Variants in FRRS1 observed in about 807,000 individuals in gnomAD.
The protein encoded by FRRS1 is ferric reductase 1.
A neutral mutation model predicts 70.7 loss-of-function variants in FRRS1; 51 were observed. That is an observed-to-expected ratio of 0.72 (90% CI 0.58 to 0.91). The LOEUF (loss-of-function observed/expected upper bound fraction) is 0.91. FRRS1 is among the 40% of genes least tolerant of loss of function. The pLI is 0.00. For missense variants in FRRS1, 672 were observed against 726.0 expected (o/e 0.93, Z 0.86); for synonymous variants, 225 against 238.7 (o/e 0.94, Z 0.53).
chr1:99,765,351 C>T (rs1389294218), intron 1 of FRRS1: 2 of 152,390 alleles, frequency 1.3e-5, no homozygotes, highest in African/African-American at 4.8e-5. Context: ...CCTGTAATCC[C>T]AGCACTTTGG....
rs148457100 is a variant in FRRS1, at chr1:99,717,795, G to A, written c.1121-270C>T. ...ATCTTTACAACAATCCTATGATTAT[G>A]AATAGCAAAACTATTATTCCAGTTT... On this transcript the variant is annotated intron_variant, in intron 10 of 16. Transcript: ENST00000646001. Among the ~76,000 whole-genome samples, 39 of 152,256 alleles carry A rather than the reference G, an allele frequency of 2.6e-4. 1 individual carries two copies. The highest frequency in any genetic ancestry group is 8.9e-4 in the African/African-American group (37 of 41,546).
intron 7 of FRRS1, among the ~76,000 whole-genome samples, chr1:99,736,263 T>G (rs1361316825): frequency 6.6e-6 from 1 of 152,186 alleles, no homozygotes; most frequent in African/African-American, 2.4e-5. Flanking sequence ...GGGGAAGATG[T>G]TTTGAACAAT....
intron 1 of FRRS1, 24 bp from the exon 2 acceptor site, chr1:99,749,025 CT>C (rs1656436183): frequency 3.2e-6 from 1 of 312,436 alleles, no homozygotes; most frequent in Admixed American, 4.8e-5. Context: ...AAACAAAGAT[CT>C]CTTTTCAATG....
At chr1:99,747,599 T>G in intron 3 of FRRS1, 169 bp from the exon 4 acceptor site, 2 of 597,108 alleles carry the variant, frequency 3.3e-6, no homozygotes, top group Non-Finnish European at 5.7e-6. Flanking sequence ...ATAAAATTTT[T>G]TCCAGTGTTC....
chr1:99,719,433 T>A, intron 10 of FRRS1, 101 bp downstream of exon 10: 1 of 657,046 alleles, frequency 1.5e-6, no homozygotes, highest in Non-Finnish European at 2.7e-6. Flanking sequence ...AAAAATGCTT[T>A]ATAAAAATTA....
chr1:99,743,370 A>AT (rs1188925637), intron 4 of FRRS1, among the ~76,000 whole-genome samples: 5 of 152,208 alleles, frequency 3.3e-5, no homozygotes, highest in South Asian at 4.1e-4. Flanking sequence ...TTATATACAG[A>AT]TTTTTTTTCA....
rs1377244856 is a variant in FRRS1 at position 99,759,383 on chromosome 1, T to C, written c.-106+7224A>G. Among the ~76,000 whole-genome samples, 3 of 152,202 alleles carry C rather than the reference T, an allele frequency of 2.0e-5. No homozygotes were observed. The East Asian group carries it at 5.8e-4, about 29-fold the overall frequency. ...TTACTGAAAATAGAAAGAACCTATGTTGAAATATTGGGGGCGGGTTCCTCC... is the reference window on the plus strand; with the variant it reads ...TTACTGAAAATAGAAAGAACCTATGCTGAAATATTGGGGGCGGGTTCCTCC... On this transcript the variant is annotated intron_variant, in intron 1 of 16. Transcript: ENST00000646001.
chr1:99,764,128 T>G (rs928027766), intron 1 of FRRS1, among the ~76,000 whole-genome samples: 3 of 152,200 alleles, frequency 2.0e-5, no homozygotes, highest in African/African-American at 7.2e-5. Context: ...TTTGCAAGTA[T>G]GAACTCATTT....
intron 1 of FRRS1, among the ~76,000 whole-genome samples, chr1:99,760,774 C>A (rs1445197530): frequency 6.6e-6 from 1 of 152,068 alleles, no homozygotes; most frequent in Non-Finnish European, 1.5e-5. Flanking sequence ...CTCAGCCTCC[C>A]AAGTAGCTGG....
intron 14 of FRRS1, 42 bp from the exon 15 acceptor site, chr1:99,710,991 C>T (rs1654247374): frequency 6.4e-7 from 1 of 1,558,882 alleles, no homozygotes; most frequent in Non-Finnish European, 8.8e-7. Flanking sequence ...TGTAGTCCCA[C>T]CAAGAGAGAC....
Position 99,715,586 on chromosome 1 carries a change from C to G in FRRS1, c.1323G>C (p.Arg441Ser). 6.3e-7 allele frequency: 1 copy of G among 1,589,322 alleles called. No homozygotes were observed. Among genetic ancestry groups the G allele is most frequent in the Non-Finnish European group, 8.6e-7 (1 of 1,157,838 alleles). Residue 441 changes from arginine (R) to serine (S), a missense_variant and splice_region_variant, in exon 12 of 17, where the codon AGG becomes AGC. Coordinates refer to ENST00000646001, the MANE Select transcript of FRRS1 (RefSeq NM_001361041.2). ...AAAACCCTATTTAAGATATACTTAC[C>G]CTACTCCAGCCTCCCCTGTATATAA... is the stretch of plus-strand genomic sequence containing the variant. ...MPFIYRGGWS[R>S]HAGYHPYLGC...
At position 99,705,809 on chromosome 1, in the gene FRRS1, C is replaced by T. The variant is rs1251947565; in HGVS notation, c.*3219G>A. Among the ~76,000 whole-genome samples the T allele has an allele frequency of 6.6e-6, 1 of 152,188 alleles. No homozygotes were observed. Among genetic ancestry groups the T allele is most frequent in the African/African-American group, 2.4e-5 (1 of 41,432 alleles). ...AACCACAATTTTCTAGAATTTCTTTCATTTCTTTCTGAAAAGCACACACAT... is the reference window on the plus strand; with the variant it reads ...AACCACAATTTTCTAGAATTTCTTTTATTTCTTTCTGAAAAGCACACACAT... On this transcript the variant is annotated 3_prime_UTR_variant, in exon 17 of 17. Coordinates refer to ENST00000646001, the MANE Select transcript of FRRS1 (RefSeq NM_001361041.2).
intron 12 of FRRS1, among the ~76,000 whole-genome samples, chr1:99,713,716 T>C (rs1241466421): frequency 6.6e-6 from 1 of 152,242 alleles, no homozygotes; most frequent in Non-Finnish European, 1.5e-5. Context: ...GAGTACCTGC[T>C]ATATACTTAA....
intron 1 of FRRS1, among the ~76,000 whole-genome samples, chr1:99,762,156 G>A (rs1007501410): frequency 6.6e-6 from 1 of 152,140 alleles, no homozygotes; most frequent in Admixed American, 6.5e-5. Context: ...TGGAAAAAGA[G>A]GGATTCTGAA....
At chr1:99,752,676 C>A (rs2100990306) in intron 1 of FRRS1, among the ~76,000 whole-genome samples, 1 of 152,162 alleles carries the variant, frequency 6.6e-6, no homozygotes, top group Middle Eastern at 3.4e-3. Context: ...TTTGGGAGGC[C>A]AAGTTGGGAG....
rs763036798 is a variant in FRRS1, at chr1:99,758,488, C to A, written c.-106+8119G>T. Among the ~76,000 whole-genome samples, 28 of 152,314 alleles carry A rather than the reference C, an allele frequency of 1.8e-4. No homozygotes were observed. In the South Asian group the frequency reaches 2.7e-3, roughly 15 times the overall value. ...GGCATTTATCAGTTCCCAAATAATA[C>A]TTTTATAATTTCTTACTCCTGTCTT... On this transcript the variant is annotated intron_variant, in intron 1 of 16. Coordinates refer to ENST00000646001, the MANE Select transcript of FRRS1 (RefSeq NM_001361041.2).
chr1:99,717,939 C>T (rs903550134), intron 10 of FRRS1, among the ~76,000 whole-genome samples: 1 of 152,156 alleles, frequency 6.6e-6, no homozygotes, highest in African/African-American at 2.4e-5. Flanking sequence ...CTAATAACTG[C>T]CTGTGTGTAG....
At position 99,712,434 on chromosome 1, in the gene FRRS1, G is replaced by A; in HGVS notation, c.1405C>T (p.Pro469Ser). 3.1e-6 allele frequency: 5 copies of A among 1,610,714 alleles called. No individual in the cohort carries two copies. Among genetic ancestry groups the A allele is most frequent in the Non-Finnish European group, 4.2e-6 (5 of 1,177,610 alleles). The stretch of plus-strand genomic sequence containing the variant: ...TCTAAGTACCTTGGGTCATGTAAAG[G>A]TGGCCTGAAGACTGCCAGAAGAGGC... ...LQPLLAVFRP[P>S]LHDPRRQMFN... Residue 469 changes from proline (P) to serine (S), a missense_variant, in exon 13 of 17, where the codon CCT becomes TCT. Pro to Ser is a moderately conservative substitution (Grantham distance 74, BLOSUM62 -1). Coordinates refer to ENST00000646001, the MANE Select transcript of FRRS1 (RefSeq NM_001361041.2).
chr1:99,762,393 T>G (rs1657147752), intron 1 of FRRS1, among the ~76,000 whole-genome samples: 1 of 152,066 alleles, frequency 6.6e-6, no homozygotes, highest in African/African-American at 2.4e-5. Context: ...TTTAATTAAG[T>G]CTGGTTCCTC....
Sources: gnomAD v4.1 joint callset for allele counts (sites outside exome capture counted in the v4.1 genomes callset) on GRCh38, gnomAD v4.1.1 for gene constraint, MANE v1.5 for transcripts, NCBI Gene and HGNC (gene_info 2026-07-23, HGNC 2026-07-21) for gene names.